HTT: variants seen among roughly 807,000 people sequenced by gnomAD.
HTT encodes huntingtin.
In HTT, 104 loss-of-function variants were observed where a neutral mutation model predicts 362.3. The ratio of observed to expected loss-of-function variants is 0.29; its 90% confidence interval spans 0.24 to 0.34. The LOEUF (loss-of-function observed/expected upper bound fraction) is 0.34, where lower values mean the gene tolerates loss of function less well. Among genes scored for constraint, HTT ranks in the 10% least tolerant of loss-of-function variants. The pLI is 1.00. For synonymous variants in HTT, 1,577 were observed against 1,548.7 expected, an observed-to-expected ratio of 1.02 and a Z score of -0.43; for missense variants, 3,301 against 3,928.6, an observed-to-expected ratio of 0.84 and a Z score of 4.27.
intron 56 of HTT, 43 bp downstream of exon 56, chr4:3,224,174 T>A (rs1164375889): frequency 6.2e-7 from 1 of 1,605,984 alleles, no homozygotes; most frequent in Non-Finnish European, 8.5e-7. Flanking sequence ...GTACTTGGGC[T>A]AGAATGAGAG....
chr4:3,227,904 G>T (rs572284361), intron 57 of HTT, among the ~76,000 whole-genome samples: 16 of 152,344 alleles, frequency 1.1e-4, no homozygotes, highest in African/African-American at 3.6e-4. Context: ...AAGAGGGGTG[G>T]GGGTTAGGGG....
intron 28 of HTT, among the ~76,000 whole-genome samples, chr4:3,157,852 C>A (rs1303992385): frequency 6.6e-6 from 1 of 151,392 alleles, no homozygotes; most frequent in African/African-American, 2.4e-5. Context: ...TTGGTTGTCC[C>A]CAATAATGTT....
At chr4:3,107,976 C>T (rs1188597776) in intron 6 of HTT, among the ~76,000 whole-genome samples, 1 of 152,226 alleles carries the variant, frequency 6.6e-6, no homozygotes, top group Admixed American at 6.5e-5. Context: ...CCAAGTGACC[C>T]TCCTGGGAGG....
In HTT at chr4:3,094,654, G is replaced by C. The variant is rs865883709; in HGVS notation, c.348-4620G>C. On this transcript the variant is annotated intron_variant, in intron 2 of 66. Coordinates refer to ENST00000355072, the MANE Select transcript of HTT (RefSeq NM_001388492.1). ...GCCCCCCACCTCCCGGACGGGGCGG[G>C]TGGCCGGGCGGGGGCTGCCCCCCAC... is the stretch of plus-strand genomic sequence containing the variant. Among the ~76,000 whole-genome samples the C allele has an allele frequency of 5.8e-4, 76 of 130,502 alleles. 1 individual carries two copies. The highest frequency in any genetic ancestry group is 1.6e-3 in the Admixed American group (22 of 13,726). The allele number at this position is 130,502 out of a possible 152,430, so 85.6% of individuals were successfully genotyped here.
In HTT at chr4:3,111,249, G is replaced by A. The variant is rs866545453; in HGVS notation, c.747+3826G>A. Among the ~76,000 whole-genome samples, 11 of 150,984 alleles carry A rather than the reference G, an allele frequency of 7.3e-5. No homozygotes were observed. In the Middle Eastern group the frequency reaches 0.01, roughly 141 times the overall value. ...TACTCTGTCGCCCAGGCTAGAGTGC[G>A]GTGGTGGGATTTTGGCTCACTTAAG... is the stretch of plus-strand genomic sequence containing the variant. On this transcript the variant is annotated intron_variant, in intron 6 of 66. Transcript: ENST00000355072.
intron 60 of HTT, among the ~76,000 whole-genome samples, chr4:3,232,426 G>A (rs568377787): frequency 1.9e-4 from 29 of 152,282 alleles, no homozygotes; most frequent in African/African-American, 6.5e-4. Context: ...CTTCTGCAGG[G>A]GTCTCCTCAC....
At chr4:3,136,597 G>A (rs1433023360) in intron 21 of HTT, among the ~76,000 whole-genome samples, 4 of 149,924 alleles carry the variant, frequency 2.7e-5, no homozygotes. Flanking sequence ...GTACTAAGAA[G>A]AAAAAAAAAA....
chr4:3,086,152 GAGAA>G (rs767509388), intron 1 of HTT, among the ~76,000 whole-genome samples: 3 of 152,184 alleles, frequency 2.0e-5, no homozygotes, highest in Non-Finnish European at 2.9e-5. Context: ...CTGTACTGCT[GAGAA>G]AGAAAGAAAG....
chr4:3,171,629 C>T (rs140995534), intron 29 of HTT, among the ~76,000 whole-genome samples: 3 of 152,226 alleles, frequency 2.0e-5, no homozygotes, highest in Non-Finnish European at 4.4e-5. Flanking sequence ...AGGTGTGCGC[C>T]ACCACGCCTG....
intron 8 of HTT, among the ~76,000 whole-genome samples, chr4:3,118,229 A>G (rs1351695698): frequency 6.6e-6 from 1 of 152,232 alleles, no homozygotes; most frequent in Non-Finnish European, 1.5e-5. Flanking sequence ...TATTTCTTAT[A>G]TAATATTTTA....
At chr4:3,188,826 T>C in intron 39 of HTT, 125 bp from the exon 40 acceptor site, 1 of 895,214 alleles carries the variant, frequency 1.1e-6, no homozygotes, top group Non-Finnish European at 1.7e-6. Context: ...CATTTCACTT[T>C]AGCGGTTAAT....
chr4:3,148,660 TG>T (rs1716729359), intron 26 of HTT, among the ~76,000 whole-genome samples: 1 of 152,142 alleles, frequency 6.6e-6, no homozygotes, highest in Non-Finnish European at 1.5e-5. Context: ...TATCTGAGCA[TG>T]GTGGCGGGCG....
chr4:3,229,953 G>A lies in HTT; in HGVS notation c.8176G>A (p.Glu2726Lys). 1 of 1,614,146 alleles carries A rather than the reference G, an allele frequency of 6.2e-7. No homozygotes were observed. Among genetic ancestry groups the A allele is most frequent in the Non-Finnish European group, 8.5e-7 (1 of 1,179,952 alleles). The change falls in exon 60 of 67, where the codon GAA becomes AAA. Residue 2726 changes from glutamate to lysine, a missense_variant. By Grantham distance (56) the Glu-to-Lys change is moderately conservative. Around this residue, in one of 4 missense-constraint regions of HTT, gnomAD observed 753 missense variants for 1,021.3 expected, o/e 0.74. Transcript: ENST00000355072. Reference sequence around the variant, plus strand: ...TGAGCTGATGTATGTGACGCTGACAGAACTGCGAAGGGTGCACCCTTCAGA... The same window carrying A: ...TGAGCTGATGTATGTGACGCTGACAAAACTGCGAAGGGTGCACCCTTCAGA... ...QFELMYVTLTELRRVHPSEDE... is the reference protein window; with the variant it reads ...QFELMYVTLTKLRRVHPSEDE...
intron 37 of HTT, among the ~76,000 whole-genome samples, chr4:3,184,313 T>G (rs1578569022): frequency 2.7e-5 from 4 of 146,706 alleles, no homozygotes; most frequent in Non-Finnish European, 3.0e-5. Context: ...GGTGGAGGAG[T>G]GGGGCAGCCA....
chr4:3,217,024 CA>C (rs776607099), intron 51 of HTT, among the ~76,000 whole-genome samples: 420 of 123,864 alleles, frequency 3.4e-3, no homozygotes, highest in Middle Eastern at 4.2e-3. Flanking sequence ...GACTCCGTCT[CA>C]AAAAAAAAAA....
chr4:3,233,421 C>T, intron 61 of HTT, 68 bp downstream of exon 61: 3 of 1,450,026 alleles, frequency 2.1e-6, no homozygotes, highest in Non-Finnish European at 2.9e-6. Flanking sequence ...GCAGCATCAC[C>T]CTCTCCAAGT....
intron 26 of HTT, 97 bp downstream of exon 26, chr4:3,148,304 T>C (rs1329446669): frequency 2.2e-5 from 21 of 959,080 alleles, no homozygotes; most frequent in Non-Finnish European, 3.2e-5. Flanking sequence ...TTATTCTCTT[T>C]TTGCTTTAAA....
chr4:3,127,912 C>T (rs1414432494), intron 12 of HTT, among the ~76,000 whole-genome samples: 2 of 151,446 alleles, frequency 1.3e-5, no homozygotes, highest in South Asian at 2.1e-4. Flanking sequence ...TGCAATGAGC[C>T]GAGATCGTGA....
Position 3,233,345 on chromosome 4 carries a change from G to C in HTT, c.8448G>C (p.Gly2816=), listed in dbSNP as rs1721352267. The C allele has an allele frequency of 6.3e-7, 1 of 1,597,616 alleles. No homozygotes were observed. The highest frequency in any genetic ancestry group is 1.1e-5 in the South Asian group (1 of 90,590). The change falls in exon 61 of 67, where the codon GGG becomes GGC. Residue 2816 remains glycine (G), a synonymous_variant. Transcript: ENST00000355072. ...ISDYLLSNLK[G]IAHCVNIHSQ... ...ACTATCTCCTCTCCAACCTGAAAGG[G>C]ATCGCCCAGTGAGTGGGAGCCTGGC... is the stretch of plus-strand genomic sequence containing the variant.
Sources: gnomAD v4.1 joint callset for allele counts (sites outside exome capture counted in the v4.1 genomes callset) on GRCh38, gnomAD v4.1.1 for gene constraint, gnomAD v4.1.1 regional missense constraint, MANE v1.5 for transcripts, NCBI Gene and HGNC (gene_info 2026-07-23, HGNC 2026-07-21) for gene names.